Variants in RTF1 observed in about 807,000 individuals in gnomAD.
RTF1 encodes the protein RTF1 homolog, Paf1/RNA polymerase II complex component, also known as RNA polymerase-associated protein RTF1 homolog.
In RTF1, 10 loss-of-function variants were observed where a neutral mutation model predicts 95.7. The ratio of observed to expected loss-of-function variants is 0.10; its 90% CI spans 0.06 to 0.18. The LOEUF (loss-of-function observed/expected upper bound fraction) is 0.18. Among genes scored for constraint, RTF1 ranks in the 10% least tolerant of loss-of-function variants. The pLI, the probability that RTF1 is intolerant of heterozygous loss-of-function variation, is 1.00. For synonymous variants in RTF1, 305 were observed against 311.8 expected, an observed-to-expected ratio of 0.98 and a Z score of 0.23; for missense variants, 458 against 875.6, an observed-to-expected ratio of 0.52 and a Z score of 6.02.
intron 16 of RTF1, 125 bp downstream of exon 16, chr15:41,479,323 C>G (rs1379513780): frequency 1.1e-5 from 7 of 619,870 alleles, no homozygotes; most frequent in Non-Finnish European, 2.0e-5. Context: ...CTTGGAGTCC[C>G]TTCTCCATCC....
At chr15:41,426,998 C>A (rs1251575565) in intron 1 of RTF1, among the ~76,000 whole-genome samples, 3 of 146,796 alleles carry the variant, frequency 2.0e-5, no homozygotes, top group Non-Finnish European at 3.0e-5. Context: ...CCCACCACCA[C>A]GCCCAGCTAA....
chr15:41,472,705 CTTTT>C (rs767696780), intron 8 of RTF1, among the ~76,000 whole-genome samples: 1 of 127,190 alleles, frequency 7.9e-6, no homozygotes, highest in Non-Finnish European at 1.7e-5. Flanking sequence ...GACTGAGTCT[CTTTT>C]TTTTTTTTTT....
At chr15:41,466,054 T>G in intron 5 of RTF1, 87 bp from the exon 6 acceptor site, 1 of 823,528 alleles carries the variant, frequency 1.2e-6, no homozygotes, top group Non-Finnish European at 1.8e-6. Flanking sequence ...TAGATTGATG[T>G]TGGAGGACTA....
intron 2 of RTF1, among the ~76,000 whole-genome samples, chr15:41,442,083 G>C (rs2050738678): frequency 6.6e-6 from 1 of 152,048 alleles, no homozygotes; most frequent in Non-Finnish European, 1.5e-5. Flanking sequence ...TGCTGCTGTG[G>C]ACATTTTAGA....
rs138998685 is a variant in RTF1, at chr15:41,421,292, A to G, written c.198+3979A>G. Among the ~76,000 whole-genome samples the G allele has an allele frequency of 1.1e-3, 175 of 152,222 alleles. 1 individual carries two copies. The highest frequency in any genetic ancestry group is 3.4e-3 in the Middle Eastern group (1 of 294). On this transcript the variant is annotated intron_variant, in intron 1 of 17. Transcript: ENST00000389629. Reference sequence around the variant, plus strand: ...ACCAACATGGAGAAACCTCGTCTCTACTAAAAATACAAAATTAGCCAGGCA... The same window carrying G: ...ACCAACATGGAGAAACCTCGTCTCTGCTAAAAATACAAAATTAGCCAGGCA...
chr15:41,466,181 A>G lies in RTF1; in HGVS notation c.818A>G (p.Glu273Gly), dbSNP rs1225641846. 1 of 1,594,412 alleles carries G rather than the reference A, an allele frequency of 6.3e-7. No homozygotes were observed. The highest frequency in any genetic ancestry group is 1.8e-5 in the Admixed American group (1 of 56,282). The part of the protein sequence containing the change: ...HNKERRSKRD[E>G]KLDKKSQAME... ...AAGGAACGGCGTTCCAAGCGGGATG[A>G]GAAACTAGACAAGAAATCTCAAGCC... is the stretch of plus-strand genomic sequence containing the variant. Residue 273 changes from glutamate to glycine, a missense_variant, in exon 6 of 18, where the codon GAG becomes GGG. By Grantham distance (98) the Glu-to-Gly change is moderately conservative. This residue lies in a region of RTF1 where 39 missense variants were observed against 43.8 expected (regional missense o/e 0.89). Coordinates refer to ENST00000389629, the MANE Select transcript of RTF1 (RefSeq NM_015138.5).
intron 4 of RTF1, among the ~76,000 whole-genome samples, chr15:41,462,505 A>T (rs1164401567): frequency 1.3e-5 from 2 of 152,152 alleles, no homozygotes; most frequent in Non-Finnish European, 2.9e-5. Context: ...ACCTCAAGAG[A>T]GATTATATAC....
rs1345666795 is a variant in RTF1 at position 41,482,106 on chromosome 15, A to G, written c.*1419A>G. 6.6e-6 allele frequency: 1 copy of G among 152,334 alleles called. No individual in the cohort carries two copies. The highest frequency in any genetic ancestry group is 2.4e-5 in the African/African-American group (1 of 41,464). The allele number at this position is 152,334 out of a possible 1,614,324, so 9.4% of individuals were successfully genotyped here. A position where few individuals can be genotyped will look rare whatever the true frequency, so the allele number is the denominator to read the frequency against. ...AAAAGATTTAGGTTGCAAATGTTTC[A>G]AGCATGTGCAGTTTTGTGTGTGTGT... On this transcript the variant is annotated 3_prime_UTR_variant, in exon 18 of 18. Transcript: ENST00000389629.
At chr15:41,428,393 G>A (rs188580046) in intron 1 of RTF1, among the ~76,000 whole-genome samples, 34 of 141,650 alleles carry the variant, frequency 2.4e-4, no homozygotes, top group African/African-American at 8.2e-4. Context: ...TCAGCCTCCC[G>A]AGTAGCTGGG....
At chr15:41,429,978 T>A (rs1397081153) in intron 1 of RTF1, among the ~76,000 whole-genome samples, 1 of 145,822 alleles carries the variant, frequency 6.9e-6, no homozygotes, top group African/African-American at 2.5e-5. Flanking sequence ...TCTTTGTTTT[T>A]AATTTAATTT....
chr15:41,439,538 C>T (rs1311066136), intron 2 of RTF1, among the ~76,000 whole-genome samples: 1 of 152,130 alleles, frequency 6.6e-6, no homozygotes, highest in African/African-American at 2.4e-5. Flanking sequence ...GTCACTTTCC[C>T]AAATTACCTA....
rs553585391 is a variant in RTF1 at position 41,442,849 on chromosome 15, A to G, written c.309+4418A>G. ...TGCAGTGGGCCGAGAACGCTCCACT[A>G]TATTCCAGGCTGGGCCCCAGAGTGA... On this transcript the variant is annotated intron_variant, in intron 2 of 17. Transcript: ENST00000389629. Among the ~76,000 whole-genome samples the G allele has an allele frequency of 2.0e-3, 297 of 152,260 alleles. 1 individual carries two copies. The highest frequency in any genetic ancestry group is 6.9e-3 in the African/African-American group (286 of 41,568).
chr15:41,473,694 CTAGGACTG>C (rs2064888260), intron 8 of RTF1, among the ~76,000 whole-genome samples: 1 of 152,088 alleles, frequency 6.6e-6, no homozygotes, highest in South Asian at 2.1e-4. Context: ...TCTTGAGTAG[CTAGGACTG>C]TAGGTGCACA....
intron 1 of RTF1, among the ~76,000 whole-genome samples, chr15:41,432,583 A>T (rs74618318): frequency 0.016 from 2,426 of 152,096 alleles, 76 homozygotes; most frequent in African/African-American, 0.056. Flanking sequence ...CTTTTAACAG[A>T]TGTCTACTAT....
chr15:41,457,628 C>A, intron 3 of RTF1, 44 bp from the exon 4 acceptor site: 1 of 1,580,004 alleles, frequency 6.3e-7, no homozygotes, highest in South Asian at 1.1e-5. Context: ...TGTGGCCTGT[C>A]TTCTGTAGCA....
intron 1 of RTF1, among the ~76,000 whole-genome samples, chr15:41,419,893 C>A (rs1176926268): frequency 6.6e-6 from 1 of 152,154 alleles, no homozygotes; most frequent in African/African-American, 2.4e-5. Flanking sequence ...AATCTCAACT[C>A]ACTGCAACCT....
At chr15:41,444,995 G>A (rs1378920945) in intron 2 of RTF1, among the ~76,000 whole-genome samples, 11 of 151,954 alleles carry the variant, frequency 7.2e-5, no homozygotes, top group African/African-American at 2.4e-4. Flanking sequence ...GCAGTGGCAC[G>A]ATCTTGGCTC....
In RTF1 at chr15:41,436,387, G is replaced by C. The variant is rs372820022; in HGVS notation, c.199-1934G>C. Among the ~76,000 whole-genome samples, 351 of 151,246 alleles carry C rather than the reference G, an allele frequency of 2.3e-3. 1 individual carries two copies. The highest frequency in any genetic ancestry group is 8.1e-3 in the African/African-American group (332 of 41,162). On this transcript the variant is annotated intron_variant, in intron 1 of 17. Coordinates refer to ENST00000389629, the MANE Select transcript of RTF1 (RefSeq NM_015138.5). ...CAGGAGAATGGTGTGAACCCGGGAG[G>C]CCGATCTTGCAGTGAGCCAAGATTG...
At chr15:41,440,872 TA>T (rs1229422824) in intron 2 of RTF1, among the ~76,000 whole-genome samples, 4 of 152,104 alleles carry the variant, frequency 2.6e-5, no homozygotes, top group African/African-American at 9.7e-5. Flanking sequence ...GTCTATGAAA[TA>T]ATTTGCTTTT....
Sources: gnomAD v4.1 joint callset for allele counts (sites outside exome capture counted in the v4.1 genomes callset) on GRCh38, gnomAD v4.1.1 for gene constraint, gnomAD v4.1.1 regional missense constraint, MANE v1.5 for transcripts, NCBI Gene and HGNC (gene_info 2026-07-23, HGNC 2026-07-21) for gene names.